The following NLGN4X variants were observed in gnomAD, a reference collection of about 807,000 sequenced individuals.
The protein encoded by NLGN4X is neuroligin 4 X-linked, also known as neuroligin-4, X-linked.
Under a neutral mutation model 40.3 loss-of-function variants are expected in NLGN4X, and 3 were observed. The ratio of observed to expected loss-of-function variants is 0.07; its 90% confidence interval spans 0.03 to 0.19. The LOEUF (loss-of-function observed/expected upper bound fraction) is 0.19, where lower values mean the gene tolerates loss of function less well. Among genes scored for constraint, NLGN4X ranks in the 10% least tolerant of loss-of-function variants. The pLI, the probability that NLGN4X is intolerant of heterozygous loss-of-function variation, is 1.00. For synonymous variants in NLGN4X, 270 were observed against 306.8 expected (o/e 0.88, Z 1.25); for missense variants, 382 against 708.3 (o/e 0.54, Z 5.23).
chrX:6,169,602 T>C lies in NLGN4X; in HGVS notation c.-305-17831A>G, dbSNP rs572367188. 6.6e-4 allele frequency among the ~76,000 whole-genome samples: 74 copies of C among 112,696 alleles called. 1 individual carries two copies. The South Asian group carries it at 0.026, about 40-fold the overall frequency. ...AAAGGGCATCACAGAATTAGACCAG[T>C]GGAATGCACAGAGCTCCTCCAAGAA... On this transcript the variant is annotated intron_variant, in intron 1 of 5. Coordinates refer to ENST00000381095, the MANE Select transcript of NLGN4X (RefSeq NM_181332.3).
chrX:6,029,576 A>G, intron 2 of NLGN4X, 144 bp from the exon 3 acceptor site: 1 of 572,981 alleles, frequency 1.7e-6, no homozygotes, highest in Non-Finnish European at 2.8e-6. Context: ...ATGACCCTTG[A>G]TAAGAGTGTC....
At chrX:6,090,145 T>C (rs2038602173) in intron 2 of NLGN4X, among the ~76,000 whole-genome samples, 1 of 111,848 alleles carries the variant, frequency 8.9e-6, no homozygotes, top group Admixed American at 9.6e-5. Context: ...CTAATGTCTT[T>C]TTAGTTTTTA....
At chrX:6,176,455 A>C (rs2040736562) in intron 1 of NLGN4X, among the ~76,000 whole-genome samples, 1 of 112,450 alleles carries the variant, frequency 8.9e-6, no homozygotes, top group Non-Finnish European at 1.9e-5. Context: ...ACTTTGTGTG[A>C]CCTTACATGG....
chrX:6,112,523 G>A (rs914935230), intron 2 of NLGN4X, among the ~76,000 whole-genome samples: 10 of 108,515 alleles, frequency 9.2e-5, no homozygotes, highest in African/African-American at 3.0e-4. Context: ...AATAATTTCT[G>A]TAGATACTCT....
chrX:6,055,758 TATC>T lies in NLGN4X; in HGVS notation c.473-26329_473-26327del, dbSNP rs768626504. 1.6e-4 allele frequency among the ~76,000 whole-genome samples: 18 copies of T among 112,281 alleles called. No homozygotes were observed. The South Asian group carries it at 6.3e-3, about 39-fold the overall frequency. Reference sequence around the variant, plus strand: ...TTATCTGAAAAATGGATTATTCTGATATCAGTTAAATTATTCAAGTTGTAGAGG... The same window carrying T: ...TTATCTGAAAAATGGATTATTCTGATAGTTAAATTATTCAAGTTGTAGAGG... On this transcript the variant is annotated intron_variant, in intron 2 of 5. Transcript: ENST00000381095.
At chrX:6,091,002 G>C (rs1455764374) in intron 2 of NLGN4X, among the ~76,000 whole-genome samples, 2 of 102,590 alleles carry the variant, frequency 1.9e-5, no homozygotes, top group African/African-American at 7.2e-5. Context: ...AAGAAAGAGA[G>C]GGGAAGGAGG....
At chrX:5,985,728 T>G (rs556169838) in intron 3 of NLGN4X, among the ~76,000 whole-genome samples, 4 of 112,012 alleles carry the variant, frequency 3.6e-5, no homozygotes, top group African/African-American at 1.3e-4. Context: ...AATCAAAGAT[T>G]ATGAGACCCA....
At chrX:6,163,896 C>G (rs1257354841) in intron 1 of NLGN4X, among the ~76,000 whole-genome samples, 3 of 112,825 alleles carry the variant, frequency 2.7e-5, no homozygotes, top group African/African-American at 9.7e-5. Flanking sequence ...TCAGTAAACA[C>G]TATTAAATTA....
chrX:6,028,971 G>A (rs938548613), intron 3 of NLGN4X, among the ~76,000 whole-genome samples: 4 of 112,390 alleles, frequency 3.6e-5, no homozygotes, highest in African/African-American at 1.3e-4. Flanking sequence ...CCAAATATGT[G>A]TTCATTGTAC....
chrX:6,149,539 A>C (rs760595727), intron 2 of NLGN4X, among the ~76,000 whole-genome samples: 1 of 111,496 alleles, frequency 9.0e-6, no homozygotes, highest in South Asian at 3.8e-4. Context: ...TCTCACACAC[A>C]CACACAAAGA....
intron 3 of NLGN4X, among the ~76,000 whole-genome samples, chrX:5,954,606 GTCTCTGTCTCTGTCTC>G (rs1164385634): frequency 2.1e-5 from 2 of 96,267 alleles, no homozygotes; most frequent in Admixed American, 1.2e-4. Flanking sequence ...CTCTGTCTCT[GTCTCTGTCTCTGTCTC>G]TCTCTGTCTC....
chrX:6,200,947 G>T (rs190628019), intron 1 of NLGN4X, among the ~76,000 whole-genome samples: 269 of 110,023 alleles, frequency 2.4e-3, no homozygotes, highest in African/African-American at 8.4e-3. Context: ...CAGTCCTCCT[G>T]CCTCAGCCTC....
chrX:6,219,310 C>T (rs1217045192), intron 1 of NLGN4X, among the ~76,000 whole-genome samples: 2 of 106,566 alleles, frequency 1.9e-5, no homozygotes, highest in South Asian at 4.3e-4. Context: ...CAGCTTCCTT[C>T]CCTCTTCCCT....
intron 2 of NLGN4X, among the ~76,000 whole-genome samples, chrX:6,108,000 A>G (rs1444372170): frequency 9.0e-6 from 1 of 111,457 alleles, no homozygotes; most frequent in Non-Finnish European, 1.9e-5. Context: ...GTAAATAGTG[A>G]TTATTTCTCG....
chrX:5,982,800 G>A (rs1397561921), intron 3 of NLGN4X, among the ~76,000 whole-genome samples: 3 of 112,145 alleles, frequency 2.7e-5, no homozygotes, highest in Non-Finnish European at 5.6e-5. Flanking sequence ...CGAGGCTGCA[G>A]TGAACCCTGT....
At chrX:6,177,548 T>C (rs190230584) in intron 1 of NLGN4X, among the ~76,000 whole-genome samples, 240 of 112,296 alleles carry the variant, frequency 2.1e-3, no homozygotes, top group Non-Finnish European at 3.9e-3. Flanking sequence ...TCAAGATTTA[T>C]TTATAATTGT....
chrX:6,017,601 G>A (rs141144257), intron 3 of NLGN4X, among the ~76,000 whole-genome samples: 51 of 111,552 alleles, frequency 4.6e-4, no homozygotes, highest in East Asian at 3.7e-3. Flanking sequence ...AGACATTCCC[G>A]GACTTACAAT....
intron 3 of NLGN4X, among the ~76,000 whole-genome samples, chrX:5,920,559 T>C (rs2032990004): frequency 8.9e-6 from 1 of 111,862 alleles, no homozygotes; most frequent in South Asian, 3.8e-4. Context: ...GTCAGGGTGC[T>C]TCAGGCTTTG....
intron 2 of NLGN4X, among the ~76,000 whole-genome samples, chrX:6,065,306 A>G (rs1332614224): frequency 9.1e-6 from 1 of 110,321 alleles, no homozygotes; most frequent in Non-Finnish European, 1.9e-5. Context: ...AATTCCCACA[A>G]ACAAACAGAA....
Sources: gnomAD v4.1 joint callset for allele counts (sites outside exome capture counted in the v4.1 genomes callset) on GRCh38, gnomAD v4.1.1 for gene constraint, MANE v1.5 for transcripts, NCBI Gene and HGNC (gene_info 2026-07-23, HGNC 2026-07-21) for gene names.